HMCN1: variants seen among roughly 807,000 people sequenced by gnomAD.
HMCN1 encodes hemicentin 1.
HMCN1 carries 321 observed loss-of-function variants against 625.9 expected under a neutral mutation model. That is an observed-to-expected ratio of 0.51 (90% CI 0.47 to 0.56). The LOEUF (loss-of-function observed/expected upper bound fraction) is 0.56, where lower values mean the gene tolerates loss of function less well. HMCN1 is among the 20% of genes least tolerant of loss of function. The pLI, the probability that HMCN1 is intolerant of heterozygous loss-of-function variation, is 0.00. For synonymous variants in HMCN1, 2,425 were observed against 2,417.6 expected (o/e 1.00, Z -0.09); for missense variants, 6,588 against 6,887.3 (o/e 0.96, Z 1.54).
chr1:185,774,744 A>G (rs932141453), intron 1 of HMCN1, among the ~76,000 whole-genome samples: 2 of 152,224 alleles, frequency 1.3e-5, no homozygotes, highest in Non-Finnish European at 2.9e-5. Context: ...AGTAACTGAA[A>G]AAAACGCTGG....
rs144051894 is a variant in HMCN1, at chr1:185,994,978, C to T, written c.3669C>T (p.Asp1223=). 1.1e-4 allele frequency: 170 copies of T among 1,613,844 alleles called. No homozygotes were observed. The African/African-American group carries it at 1.7e-3, about 16-fold the overall frequency. Residue 1223 remains aspartate, a synonymous_variant, in exon 24 of 107, where the codon GAC becomes GAT. Transcript: ENST00000271588. ...GAGAGCACCATGTTAGCAATCCAGA[C>T]GGAACTTTAAGCATCGACCAAGCCA... ...VDGEHHVSNP[D]GTLSIDQATP...
chr1:186,127,119 T>C (rs1661686636), intron 82 of HMCN1, among the ~76,000 whole-genome samples: 1 of 151,800 alleles, frequency 6.6e-6, no homozygotes, highest in Non-Finnish European at 1.5e-5. Context: ...GCATGAACAA[T>C]TGGAAGGGTG....
rs776794307 is a variant in HMCN1, at chr1:186,053,943, T to C, written c.6819T>C (p.Asn2273=). 3 of 1,612,744 alleles carry C rather than the reference T, an allele frequency of 1.9e-6. No homozygotes were observed. Among genetic ancestry groups the C allele is most frequent in the Non-Finnish European group, 2.5e-6 (3 of 1,179,198 alleles). The change falls in exon 44 of 107, where the codon AAT becomes AAC. Residue 2273 remains asparagine, a synonymous_variant. Coordinates refer to ENST00000271588, the MANE Select transcript of HMCN1 (RefSeq NM_031935.3). The part of the protein sequence containing the change: ...DAALYSCVAS[N]VAGTAKKEYN... ...CACTCTATTCATGTGTGGCGTCGAA[T>C]GTTGCTGGGACTGCAAAGAAAGAAT...
chr1:186,149,612 C>A (rs1050764226), intron 93 of HMCN1, among the ~76,000 whole-genome samples: 12 of 152,190 alleles, frequency 7.9e-5, no homozygotes, highest in Non-Finnish European at 1.5e-4. Context: ...AGACTTCTCC[C>A]TTTGCATTCA....
chr1:186,145,614 T>C (rs1650267759), intron 92 of HMCN1, 41 bp downstream of exon 92: 5 of 1,611,792 alleles, frequency 3.1e-6, no homozygotes, highest in Admixed American at 1.7e-5. Context: ...AGTAAAGCAT[T>C]TCATTTAGTG....
intron 46 of HMCN1, among the ~76,000 whole-genome samples, chr1:186,059,796 G>A (rs1394705635): frequency 3.3e-5 from 5 of 151,920 alleles, no homozygotes; most frequent in African/African-American, 9.7e-5. Flanking sequence ...TACAAGAAAC[G>A]TCTCCATATA....
intron 11 of HMCN1, among the ~76,000 whole-genome samples, chr1:185,949,378 G>C (rs1571603108): frequency 6.6e-6 from 1 of 151,832 alleles, no homozygotes; most frequent in African/African-American, 2.4e-5. Flanking sequence ...GTGTATACAG[G>C]AGCTCAAATG....
intron 2 of HMCN1, among the ~76,000 whole-genome samples, chr1:185,848,770 C>T (rs962106004): frequency 2.6e-5 from 4 of 152,134 alleles, no homozygotes; most frequent in Admixed American, 1.3e-4. Context: ...CCTTAATACA[C>T]CCTGCACTTT....
intron 12 of HMCN1, among the ~76,000 whole-genome samples, chr1:185,963,469 C>A (rs1289128616): frequency 6.6e-6 from 1 of 152,052 alleles, no homozygotes; most frequent in Non-Finnish European, 1.5e-5. Context: ...CCTCTTTGCT[C>A]ACCTGTAAAA....
At position 186,082,668 on chromosome 1, in the gene HMCN1, C is replaced by G. The variant is rs147296564; in HGVS notation, c.8788-197C>G. Among the ~76,000 whole-genome samples the G allele has an allele frequency of 3.7e-3, 566 of 152,110 alleles. 4 individuals are homozygous for G. The highest frequency in any genetic ancestry group is 0.013 in the African/African-American group (539 of 41,500). ...ATACCACAAATATGTATAGAATTAC[C>G]TCTCCTGATTAAAAATCTTAGTAAA... On this transcript the variant is annotated intron_variant, in intron 56 of 106. Transcript: ENST00000271588.
intron 18 of HMCN1, among the ~76,000 whole-genome samples, chr1:185,983,082 A>G (rs1651763044): frequency 6.6e-6 from 1 of 152,084 alleles, no homozygotes; most frequent in African/African-American, 2.4e-5. Flanking sequence ...CATTTTATAT[A>G]TCAATCTTTA....
intron 80 of HMCN1, among the ~76,000 whole-genome samples, chr1:186,121,148 G>T (rs770391946): frequency 7.9e-5 from 12 of 152,196 alleles, no homozygotes; most frequent in Non-Finnish European, 1.6e-4. Context: ...AAGAAAGTAT[G>T]GCAGTGTGGC....
intron 2 of HMCN1, among the ~76,000 whole-genome samples, chr1:185,857,154 G>A (rs1159898809): frequency 6.6e-6 from 1 of 152,198 alleles, no homozygotes; most frequent in Admixed American, 6.5e-5. Context: ...TGAAGTTACA[G>A]TTTTTTAAAA....
At chr1:185,796,030 G>A (rs1314682110) in intron 1 of HMCN1, among the ~76,000 whole-genome samples, 1 of 152,134 alleles carries the variant, frequency 6.6e-6, no homozygotes, top group Non-Finnish European at 1.5e-5. Flanking sequence ...TAAAGCCTGG[G>A]CTATTAGCGT....
intron 71 of HMCN1, among the ~76,000 whole-genome samples, chr1:186,112,123 T>C (rs1660917882): frequency 1.3e-5 from 2 of 152,264 alleles, no homozygotes; most frequent in South Asian, 4.1e-4. Context: ...TCTATTTTCA[T>C]AATTTTTGTC....
intron 55 of HMCN1, among the ~76,000 whole-genome samples, chr1:186,078,897 CAATT>C (rs1658994011): frequency 1.3e-5 from 2 of 152,082 alleles, no homozygotes; most frequent in South Asian, 4.1e-4. Context: ...AGTGACATAA[CAATT>C]AACATAGATT....
intron 10 of HMCN1, 112 bp downstream of exon 10, chr1:185,928,779 T>C (rs1667400996): frequency 8.5e-7 from 1 of 1,174,540 alleles, no homozygotes; most frequent in Non-Finnish European, 1.3e-6. Context: ...TATTTTATTA[T>C]TGTCTATCTC....
chr1:185,939,275 T>C (rs766661484), intron 11 of HMCN1, among the ~76,000 whole-genome samples: 2 of 152,180 alleles, frequency 1.3e-5, no homozygotes, highest in African/African-American at 2.4e-5. Context: ...TGAATTGATA[T>C]GCTTATTTCA....
intron 4 of HMCN1, among the ~76,000 whole-genome samples, chr1:185,906,754 GT>G (rs199582940): frequency 1.3e-5 from 2 of 150,108 alleles, no homozygotes; most frequent in East Asian, 1.9e-4. Flanking sequence ...GTTTTCTAAT[GT>G]TTTTTTTTCT....
Sources: allele counts gnomAD v4.1 joint callset (sites outside exome capture counted in the v4.1 genomes callset), GRCh38; gene constraint gnomAD v4.1.1; transcripts MANE v1.5; gene names NCBI Gene and HGNC (gene_info 2026-07-23, HGNC 2026-07-21).